SPATA31G1: variants seen among roughly 807,000 people sequenced by gnomAD.
SPATA31G1 encodes spermatogenesis-associated protein 31G1.
the SPATA31G1 span, chr9:35,042,150 A>C: frequency 1.4e-4 from 204 of 1,470,374 alleles, 3 homozygotes; most frequent in South Asian, 2.6e-3. Flanking sequence ...TTGGTTCTAA[A>C]TTCAGGGAGA....
chr9:35,044,594 C>T, the SPATA31G1 span: 1 of 1,614,156 alleles, frequency 6.2e-7, no homozygotes, highest in South Asian at 1.1e-5. Flanking sequence ...TTTCAAAGTC[C>T]CACGTAAGTG....
At chr9:35,045,636 G>GCTCTTCC in the SPATA31G1 span, 1 of 1,614,164 alleles carries the variant, frequency 6.2e-7, no homozygotes, top group Non-Finnish European at 8.5e-7. Flanking sequence ...TCAACACACT[G>GCTCTTCC]CTCTTCCCCA....
chr9:35,041,436 G>A, the SPATA31G1 span: 1 of 192,056 alleles, frequency 5.2e-6, no homozygotes, highest in African/African-American at 2.4e-5. Context: ...AAACAACCCT[G>A]TGTAGTAAGT....
chr9:35,041,126 G>C, the SPATA31G1 span: 586 of 454,842 alleles, frequency 1.3e-3, 6 homozygotes, highest in Admixed American at 0.014. Flanking sequence ...ACAAAGGAAG[G>C]AGGAAGTTAA....
the SPATA31G1 span, chr9:35,044,299 C>A: frequency 6.2e-7 from 1 of 1,614,074 alleles, no homozygotes; most frequent in African/African-American, 1.3e-5. Context: ...GCTTCTAGGT[C>A]TCCATCTCTG....
chr9:35,044,151 T>G, the SPATA31G1 span: 1 of 1,614,162 alleles, frequency 6.2e-7, no homozygotes, highest in Admixed American at 1.7e-5. Context: ...AGAGAACCTC[T>G]GGGCATCTGA....
chr9:35,042,530 C>A, the SPATA31G1 span: 1 of 1,612,752 alleles, frequency 6.2e-7, no homozygotes, highest in Non-Finnish European at 8.5e-7. Context: ...ACTGCTGACA[C>A]CACATGTGAG....
chr9:35,043,782 A>G, the SPATA31G1 span: 2 of 1,614,170 alleles, frequency 1.2e-6, no homozygotes, highest in Non-Finnish European at 8.5e-7. Context: ...TGAGTCTTCA[A>G]TGCCAGTCCC....
the SPATA31G1 span, chr9:35,041,302 T>C: frequency 4.6e-6 from 1 of 219,252 alleles, no homozygotes; most frequent in Non-Finnish European, 9.5e-6. Context: ...CTAGCAGATA[T>C]TTAAGAATGT....
chr9:35,042,739 A>C, the SPATA31G1 span: 1 of 1,353,354 alleles, frequency 7.4e-7, no homozygotes, highest in Non-Finnish European at 1.0e-6. Context: ...GTGACTGGCC[A>C]CACACGTGGG....
the SPATA31G1 span, chr9:35,042,196 G>C: frequency 6.4e-7 from 1 of 1,572,622 alleles, no homozygotes; most frequent in African/African-American, 1.3e-5. Context: ...GGGGATGGGA[G>C]TTCTTTGTTC....
chr9:35,042,588 T>A, the SPATA31G1 span: 1 of 1,550,128 alleles, frequency 6.5e-7, no homozygotes, highest in South Asian at 1.2e-5. Context: ...AAGCCCTAGA[T>A]GTGAGGCTGG....
At chr9:35,042,032 T>C in the SPATA31G1 span, 7 of 624,060 alleles carry the variant, frequency 1.1e-5, no homozygotes, top group Middle Eastern at 4.4e-4. Context: ...CTAGAATCCA[T>C]GTACTTAACC....
the SPATA31G1 span, chr9:35,043,211 G>C: frequency 6.2e-7 from 1 of 1,614,210 alleles, no homozygotes; most frequent in Non-Finnish European, 8.5e-7. Context: ...GAAAAAGCCA[G>C]CTCTTCTGGG....
At chr9:35,042,221 G>T in the SPATA31G1 span, 1 of 1,603,922 alleles carries the variant, frequency 6.2e-7, no homozygotes, top group Non-Finnish European at 8.5e-7. Flanking sequence ...ATGCAATGAT[G>T]ACCTCAGGGT....
the SPATA31G1 span, chr9:35,044,865 C>T: frequency 6.2e-7 from 1 of 1,614,068 alleles, no homozygotes; most frequent in Non-Finnish European, 8.5e-7. Flanking sequence ...ACGCACTCAT[C>T]CTGGTCTACC....
chr9:35,044,026 C>A, the SPATA31G1 span: 1 of 1,613,526 alleles, frequency 6.2e-7, no homozygotes, highest in East Asian at 2.2e-5. Flanking sequence ...TGGGTCCCTG[C>A]AGACCCAGTT....
chr9:35,042,293 G>A, the SPATA31G1 span: 1 of 1,614,200 alleles, frequency 6.2e-7, no homozygotes, highest in East Asian at 2.2e-5. Context: ...GGGCTAAGGG[G>A]GATATGGGGC....
chr9:35,044,597 C>A, the SPATA31G1 span: 10 of 1,614,172 alleles, frequency 6.2e-6, no homozygotes, highest in Admixed American at 1.2e-4. Flanking sequence ...CAAAGTCCCA[C>A]GTAAGTGAGC....
Sources: allele counts gnomAD v4.1 joint callset, GRCh38; gene constraint gnomAD v4.1.1; transcripts MANE v1.5; gene names NCBI Gene and HGNC (gene_info 2026-07-23, HGNC 2026-07-21).